Variants in FHL5 observed in about 807,000 individuals in gnomAD.
FHL5 encodes four and a half LIM domains protein 5.
In FHL5, 33 loss-of-function variants were observed where a neutral mutation model predicts 32.0. That is an observed-to-expected ratio of 1.03 (90% CI 0.78 to 1.38). The LOEUF (loss-of-function observed/expected upper bound fraction) is 1.38. Ranked by LOEUF, FHL5 falls within the 40% of genes most tolerant of loss-of-function variation. The pLI is 0.00. For synonymous variants in FHL5, 114 were observed against 113.6 expected, an observed-to-expected ratio of 1.00 and a Z score of -0.02; for missense variants, 336 against 343.9, an observed-to-expected ratio of 0.98 and a Z score of 0.18.
intron 1 of FHL5, among the ~76,000 whole-genome samples, chr6:96,582,500 C>A (rs1457909724): frequency 6.6e-6 from 1 of 151,996 alleles, no homozygotes; most frequent in Non-Finnish European, 1.5e-5. Context: ...TTACATGATT[C>A]TAAATGTAAA....
intron 1 of FHL5, among the ~76,000 whole-genome samples, chr6:96,596,113 T>C (rs1420181647): frequency 6.6e-6 from 1 of 151,940 alleles, no homozygotes; most frequent in Non-Finnish European, 1.5e-5. Flanking sequence ...AACCTAAGAG[T>C]TTTAGACCTT....
intron 1 of FHL5, among the ~76,000 whole-genome samples, chr6:96,601,469 G>A (rs2127971344): frequency 6.6e-6 from 1 of 152,334 alleles, no homozygotes; most frequent in African/African-American, 2.4e-5. Context: ...CTTCTGATCT[G>A]ATCACTAAAT....
At chr6:96,570,969 T>A (rs188918742) in intron 1 of FHL5, among the ~76,000 whole-genome samples, 3 of 152,286 alleles carry the variant, frequency 2.0e-5, no homozygotes, top group Admixed American at 1.3e-4. Flanking sequence ...ATCATTATTT[T>A]ACATTTTTTT....
intron 1 of FHL5, among the ~76,000 whole-genome samples, chr6:96,595,007 T>G (rs1242660851): frequency 6.6e-6 from 1 of 151,974 alleles, no homozygotes; most frequent in East Asian, 1.9e-4. Flanking sequence ...TTTCATACAG[T>G]CAATGTTTAT....
chr6:96,566,793 G>T (rs766285890), intron 1 of FHL5, among the ~76,000 whole-genome samples: 5 of 151,788 alleles, frequency 3.3e-5, no homozygotes, highest in Non-Finnish European at 7.4e-5. Flanking sequence ...CCATTTGTAT[G>T]TCTTCTTTAG....
intron 1 of FHL5, among the ~76,000 whole-genome samples, chr6:96,588,020 G>A (rs559099976): frequency 7.9e-4 from 120 of 152,232 alleles, no homozygotes; most frequent in Non-Finnish European, 1.2e-3. Flanking sequence ...TATAAACTCC[G>A]TGGCTGTGAG....
rs1321158883 is a variant in FHL5, at chr6:96,618,112, T to C, written c.*2340T>C. ...ACATAGCACACATATGCAAAACAAC[T>C]AAGAAAAAGACCTCCTTAGGTCTTT... is the stretch of plus-strand genomic sequence containing the variant. On this transcript the variant is annotated 3_prime_UTR_variant, in exon 6 of 6. Coordinates refer to ENST00000450218, the MANE Select transcript of FHL5 (RefSeq NM_001322466.2). 1.3e-5 allele frequency among the ~76,000 whole-genome samples: 2 copies of C among 152,088 alleles called. No homozygotes were observed. Among genetic ancestry groups the C allele is most frequent in the Admixed American group, 6.5e-5 (1 of 15,270 alleles).
chr6:96,614,182 T>C (rs1771469170), intron 5 of FHL5, among the ~76,000 whole-genome samples: 1 of 152,210 alleles, frequency 6.6e-6, no homozygotes. Context: ...TTGCCACTTG[T>C]ACAAGGCTTA....
chr6:96,598,866 A>G (rs1001382071), intron 1 of FHL5, among the ~76,000 whole-genome samples: 1 of 152,192 alleles, frequency 6.6e-6, no homozygotes, highest in Non-Finnish European at 1.5e-5. Flanking sequence ...TACTTTGCAA[A>G]TGACATGTAT....
chr6:96,601,441 T>C (rs1020880101), intron 1 of FHL5, among the ~76,000 whole-genome samples: 1 of 152,228 alleles, frequency 6.6e-6, no homozygotes, highest in Admixed American at 6.5e-5. Flanking sequence ...AGAAGGACCG[T>C]CTTGTCTTAT....
At chr6:96,571,639 C>A (rs1012685519) in intron 1 of FHL5, among the ~76,000 whole-genome samples, 1 of 152,164 alleles carries the variant, frequency 6.6e-6, no homozygotes, top group African/African-American at 2.4e-5. Context: ...GACCCCCTAG[C>A]AGCTCAGGCT....
chr6:96,580,332 A>G (rs1036631598), intron 1 of FHL5, among the ~76,000 whole-genome samples: 1 of 152,214 alleles, frequency 6.6e-6, no homozygotes, highest in Admixed American at 6.5e-5. Flanking sequence ...ATTGAAGTAT[A>G]GAAATGAGTA....
At position 96,617,365 on chromosome 6, in the gene FHL5, A is replaced by T. The variant is rs1307677669; in HGVS notation, c.*1593A>T. ...ATTACAATTACCAAAATAGCATCAC[A>T]GGAGATTCAATTAAAATTGTTATGG... is the stretch of plus-strand genomic sequence containing the variant. On this transcript the variant is annotated 3_prime_UTR_variant, in exon 6 of 6. Transcript: ENST00000450218. 1.3e-5 allele frequency among the ~76,000 whole-genome samples: 2 copies of T among 152,258 alleles called. No individual in the cohort carries two copies. The highest frequency in any genetic ancestry group is 2.9e-5 in the Non-Finnish European group (2 of 68,048).
At chr6:96,609,828 G>C (rs968063488) in intron 4 of FHL5, among the ~76,000 whole-genome samples, 8 of 152,160 alleles carry the variant, frequency 5.3e-5, no homozygotes, top group Non-Finnish European at 1.2e-4. Context: ...GCTCACTATG[G>C]CCATGGCAAG....
At chr6:96,578,761 GA>G (rs1473512783) in intron 1 of FHL5, among the ~76,000 whole-genome samples, 1 of 152,130 alleles carries the variant, frequency 6.6e-6, no homozygotes, top group African/African-American at 2.4e-5. Flanking sequence ...AGAATCGCTT[GA>G]ACCTGGGAGG....
chr6:96,604,099 G>A (rs1771216286), intron 2 of FHL5, among the ~76,000 whole-genome samples: 1 of 152,054 alleles, frequency 6.6e-6, no homozygotes, highest in Non-Finnish European at 1.5e-5. Context: ...TGTTATTTCT[G>A]GAATGACAAG....
chr6:96,609,092 T>C (rs1057202359), intron 4 of FHL5, among the ~76,000 whole-genome samples: 1 of 152,328 alleles, frequency 6.6e-6, no homozygotes, highest in African/African-American at 2.4e-5. Context: ...TTCAGAATAG[T>C]ATGCTTTTTT....
chr6:96,587,717 G>A (rs1344058100), intron 1 of FHL5, among the ~76,000 whole-genome samples: 2 of 152,020 alleles, frequency 1.3e-5, no homozygotes, highest in Admixed American at 6.6e-5. Context: ...ATCTTATATT[G>A]CATCCTGAAT....
At position 96,616,779 on chromosome 6, in the gene FHL5, G is replaced by A. The variant is rs1244231784; in HGVS notation, c.*1007G>A. The stretch of plus-strand genomic sequence containing the variant: ...CTAAAATTACATAAATGATTAATGG[G>A]CAGACATAAAAGTGGGCTTTAAAGA... On this transcript the variant is annotated 3_prime_UTR_variant, in exon 6 of 6. Transcript: ENST00000450218. 6.6e-6 allele frequency: 1 copy of A among 152,108 alleles called. No individual in the cohort carries two copies. Among genetic ancestry groups the A allele is most frequent in the Admixed American group, 6.5e-5 (1 of 15,278 alleles). The allele number at this position is 152,108 out of a possible 1,614,324, so 9.4% of individuals were successfully genotyped here.
Sources: gnomAD v4.1 joint callset for allele counts (sites outside exome capture counted in the v4.1 genomes callset) on GRCh38, gnomAD v4.1.1 for gene constraint, MANE v1.5 for transcripts, NCBI Gene and HGNC (gene_info 2026-07-23, HGNC 2026-07-21) for gene names.